TSPAN1: variants seen among roughly 807,000 people sequenced by gnomAD.
TSPAN1 encodes tetraspanin 1.
In TSPAN1, 23 loss-of-function variants were observed where a neutral mutation model predicts 26.9. The ratio of observed to expected loss-of-function variants is 0.85; its 90% CI spans 0.62 to 1.21. The LOEUF (loss-of-function observed/expected upper bound fraction) is 1.21. Ranked by LOEUF, TSPAN1 falls within the 50% of genes most tolerant of loss-of-function variation. TSPAN1 has a pLI of 0.00. For synonymous variants in TSPAN1, 115 were observed against 114.8 expected (o/e 1.00, Z -0.01); for missense variants, 283 against 298.4 (o/e 0.95, Z 0.38).
chr1:46,183,841 A>C (rs1356077832), intron 3 of TSPAN1: 1 of 378,740 alleles, frequency 2.6e-6, no homozygotes, highest in Non-Finnish European at 5.0e-6. Context: ...CATAGCCCAG[A>C]AAGGAAATAG....
At chr1:46,193,736 C>A in the TSPAN1 span, 1 of 1,600,720 alleles carries the variant, frequency 6.2e-7, no homozygotes, top group South Asian at 1.1e-5. Context: ...TGCTTACCCA[C>A]AGAGGTGAAT....
chr1:46,192,856 T>C, the TSPAN1 span: 1 of 1,613,108 alleles, frequency 6.2e-7, no homozygotes, highest in Non-Finnish European at 8.5e-7. Flanking sequence ...ACTCTTTCCC[T>C]GCAGACTGAG....
chr1:46,184,578 C>T lies in TSPAN1; in HGVS notation c.265-16C>T. The T allele has an allele frequency of 6.2e-7, 1 of 1,614,038 alleles. No homozygotes were observed. The highest frequency in any genetic ancestry group is 8.5e-7 in the Non-Finnish European group (1 of 1,179,976). ...ACTGTCTCTCCCTAAAACCCAGACC[C>T]CTGTTCCCCACTCAGTTCTTCTTCA... On this transcript the variant is annotated splice_polypyrimidine_tract_variant and intron_variant, in intron 4 of 8. Coordinates refer to ENST00000372003, the MANE Select transcript of TSPAN1 (RefSeq NM_005727.4).
At chr1:46,182,759 C>G (rs1314046495) in intron 3 of TSPAN1, among the ~76,000 whole-genome samples, 1 of 152,054 alleles carries the variant, frequency 6.6e-6, no homozygotes, top group Non-Finnish European at 1.5e-5. Context: ...GTGGTCTGTG[C>G]CTTGGGCTTC....
At chr1:46,176,164 C>G (rs555541930) in intron 1 of TSPAN1, 5 of 1,519,714 alleles carry the variant, frequency 3.3e-6, no homozygotes, top group East Asian at 2.5e-5. Flanking sequence ...CATGAGCCAC[C>G]GCACCCAGCC....
chr1:46,186,727 T>C (rs1450901206), downstream of TSPAN1, among the ~76,000 whole-genome samples: 1 of 145,570 alleles, frequency 6.9e-6, no homozygotes, highest in Non-Finnish European at 1.5e-5. Context: ...AGTGGCGCGA[T>C]CTCGGCTCAC....
In TSPAN1 at chr1:46,184,780, C is replaced by A. The variant is rs1657390393; in HGVS notation, c.340-5C>A. The A allele has an allele frequency of 6.2e-7, 1 of 1,614,078 alleles. No individual in the cohort carries two copies. Among genetic ancestry groups the A allele is most frequent in the Admixed American group, 1.7e-5 (1 of 60,008 alleles). The stretch of plus-strand genomic sequence containing the variant: ...AGCCCCTAAACACTGGCCTGCCTCA[C>A]CCAGGCTGAGCACTTCCTGACGTTG... On this transcript the variant is annotated splice_polypyrimidine_tract_variant and splice_region_variant and intron_variant, in intron 5 of 8. Transcript: ENST00000372003.
intron 3 of TSPAN1, 43 bp downstream of exon 3, chr1:46,181,207 G>A: frequency 6.3e-7 from 1 of 1,585,910 alleles, no homozygotes; most frequent in Middle Eastern, 1.7e-4. Context: ...CCCTATAGGA[G>A]CAGGTCACAA....
At chr1:46,184,037 T>C in intron 3 of TSPAN1, 154 bp from the exon 4 acceptor site, 1 of 750,780 alleles carries the variant, frequency 1.3e-6, no homozygotes, top group Admixed American at 2.2e-5. Context: ...TTTTTCTGGC[T>C]CTAGAGGATG....
chr1:46,189,835 G>A (rs374338433), downstream of TSPAN1: 3 of 1,613,466 alleles, frequency 1.9e-6, no homozygotes, highest in Non-Finnish European at 2.5e-6. Context: ...TCTCCAGGGT[G>A]GGCATGGTAT....
the TSPAN1 span, chr1:46,195,989 G>A: frequency 6.2e-7 from 1 of 1,614,054 alleles, no homozygotes; most frequent in Non-Finnish European, 8.5e-7. Flanking sequence ...AGCCCTCTGG[G>A]TCACCCACCC....
At chr1:46,195,082 C>G in the TSPAN1 span, 1 of 864,472 alleles carries the variant, frequency 1.2e-6, no homozygotes, top group East Asian at 2.5e-5. Context: ...TTGCAATAAC[C>G]CTCTATGGTT....
chr1:46,191,016 C>T, the TSPAN1 span: 1 of 515,902 alleles, frequency 1.9e-6, no homozygotes. Context: ...GCAGCTCACA[C>T]TACTGCACCA....
chr1:46,177,230 G>A (rs1418758979), intron 1 of TSPAN1, among the ~76,000 whole-genome samples: 2 of 152,018 alleles, frequency 1.3e-5, no homozygotes, highest in Admixed American at 6.6e-5. Flanking sequence ...AGCTACTCAG[G>A]AGGCTGAGAC....
rs1350760140 is a variant in TSPAN1 at position 46,175,347 on chromosome 1, C to T, written c.-204C>T. ...ACCAAAGATGGTCTATGTTGCTGAC[C>T]TTGTCCTGTCCTCCTGCTGTCTTAA... On this transcript the variant is annotated 5_prime_UTR_variant, in exon 1 of 9. Coordinates refer to ENST00000372003, the MANE Select transcript of TSPAN1 (RefSeq NM_005727.4). The T allele has an allele frequency of 1.1e-5, 4 of 369,200 alleles. No homozygotes were observed. The highest frequency in any genetic ancestry group is 1.9e-5 in the Non-Finnish European group (4 of 208,080). 22.9% of individuals were successfully genotyped at this position (369,200 alleles called of 1,614,324 possible). A position where few individuals can be genotyped will look rare whatever the true frequency, so the allele number is the denominator to read the frequency against.
rs2234265 is a variant in TSPAN1 at position 46,181,053 on chromosome 1, G to A, written c.-8-47G>A. ...ATCTGAAGCCAGGGCCAGCCCAGGT[G>A]GGCCCAGGGGAAACAAGGCCCTAAC... is the stretch of plus-strand genomic sequence containing the variant. On this transcript the variant is annotated intron_variant, in intron 2 of 8. Coordinates refer to ENST00000372003, the MANE Select transcript of TSPAN1 (RefSeq NM_005727.4). 8,302 of 1,572,618 alleles carry A rather than the reference G, an allele frequency of 5.3e-3. 109 individuals are homozygous for A. The highest frequency in any genetic ancestry group is 0.043 in the East Asian group (1,932 of 44,598).
the TSPAN1 span, chr1:46,194,950 G>A: frequency 1.2e-6 from 2 of 1,614,118 alleles, no homozygotes; most frequent in Non-Finnish European, 1.7e-6. Context: ...TGAGGTGGAA[G>A]GAGCCCTCAT....
chr1:46,187,142 T>C (rs1657451897), downstream of TSPAN1, among the ~76,000 whole-genome samples: 2 of 152,292 alleles, frequency 1.3e-5, no homozygotes, highest in South Asian at 4.1e-4. Context: ...TAACTATCCC[T>C]ATGCTCCAGG....
Position 46,177,347 on chromosome 1 carries a change from AAATATATC to A in TSPAN1, c.-142+1939_-142+1946del, listed in dbSNP as rs201803641. Among the ~76,000 whole-genome samples, 612 of 94,524 alleles carry A rather than the reference AAATATATC, an allele frequency of 6.5e-3. 6 individuals carry two copies. The highest frequency in any genetic ancestry group is 0.062 in the East Asian group (138 of 2,212). The allele number at this position is 94,524 out of a possible 152,430, so 62.0% of individuals were successfully genotyped here. ...TGAAACTCTGTCTCAAAAAAAAAAAAAATATATCTATCTATCTATCTATCTATCTATCT... is the reference window on the plus strand; with the variant it reads ...TGAAACTCTGTCTCAAAAAAAAAAAATATCTATCTATCTATCTATCTATCT... On this transcript the variant is annotated intron_variant, in intron 1 of 8. Coordinates refer to ENST00000372003, the MANE Select transcript of TSPAN1 (RefSeq NM_005727.4).
Sources: allele counts gnomAD v4.1 joint callset (sites outside exome capture counted in the v4.1 genomes callset), GRCh38; gene constraint gnomAD v4.1.1; transcripts MANE v1.5; gene names NCBI Gene and HGNC (gene_info 2026-07-23, HGNC 2026-07-21).